WLS: variants seen among roughly 807,000 people sequenced by gnomAD.
The protein encoded by WLS is Wnt ligand secretion mediator.
Under a neutral mutation model 62.8 loss-of-function variants are expected in WLS, and 23 were observed. The ratio of observed to expected loss-of-function variants is 0.37; its 90% CI spans 0.26 to 0.52. WLS has a LOEUF of 0.52. Among genes scored for constraint, WLS ranks in the 20% least tolerant of loss-of-function variants. The probability of loss-of-function intolerance (pLI) is 0.92; values close to 1 mark genes in which losing one functional copy is unlikely to be tolerated. For missense variants in WLS, 615 were observed against 697.3 expected (o/e 0.88, Z 1.33); for synonymous variants, 246 against 244.1 (o/e 1.01, Z -0.07).
rs777856823 is a variant in WLS at position 68,098,484 on chromosome 1, G to A, written c.*148C>T. ...TAAGAGAAGTAAGACAATACTCAAA[G>A]AATATTTATTGTTGACGCTTTTTTC... On this transcript the variant is annotated 3_prime_UTR_variant, in exon 12 of 12. Coordinates refer to the WLS transcript ENST00000354777. The A allele has an allele frequency of 2.6e-4, 328 of 1,275,288 alleles. 1 individual carries two copies. The highest frequency in any genetic ancestry group is 3.3e-4 in the Non-Finnish European group (314 of 945,838). The allele number at this position is 1,275,288 out of a possible 1,614,324, so 79.0% of individuals were successfully genotyped here.
chr1:68,103,591 T>C (rs1557441179), intron 11 of WLS, among the ~76,000 whole-genome samples: 1 of 152,196 alleles, frequency 6.6e-6, no homozygotes. Flanking sequence ...TACTCCATTT[T>C]ATTTTAAAAT....
chr1:68,106,744 G>GTGTGTA (rs1553122666), intron 11 of WLS, among the ~76,000 whole-genome samples: 3 of 149,596 alleles, frequency 2.0e-5, no homozygotes, highest in Admixed American at 6.6e-5. Flanking sequence ...GTGTGTGTGT[G>GTGTGTA]TGTGTGTATG....
intron 1 of WLS, among the ~76,000 whole-genome samples, chr1:68,217,619 C>T (rs767740884): frequency 3.3e-5 from 5 of 152,180 alleles, no homozygotes; most frequent in Admixed American, 6.5e-5. Flanking sequence ...TGTGAACACA[C>T]GCACACAAAA....
intron 11 of WLS, among the ~76,000 whole-genome samples, chr1:68,112,376 A>G (rs1421598730): frequency 6.6e-6 from 1 of 152,222 alleles, no homozygotes; most frequent in African/African-American, 2.4e-5. Context: ...ACCCAAAAGC[A>G]AAATGTGTGG....
chr1:68,143,310 G>C (rs1217186650), intron 10 of WLS, among the ~76,000 whole-genome samples: 1 of 152,160 alleles, frequency 6.6e-6, no homozygotes, highest in Non-Finnish European at 1.5e-5. Context: ...TGGCAAAAGA[G>C]TCAGAAGGAC....
chr1:68,133,709 A>G (rs1016660932), intron 11 of WLS, among the ~76,000 whole-genome samples: 3 of 152,210 alleles, frequency 2.0e-5, no homozygotes, highest in African/African-American at 4.8e-5. Flanking sequence ...TTCTCTGTCC[A>G]TTCTATGACC....
At chr1:68,163,434 T>C (rs1647014491) in intron 2 of WLS, among the ~76,000 whole-genome samples, 1 of 151,520 alleles carries the variant, frequency 6.6e-6, no homozygotes, top group Non-Finnish European at 1.5e-5. Context: ...GCTGCAGCTG[T>C]GCAGCCTCCC....
At chr1:68,223,781 T>C (rs1351797208) in intron 1 of WLS, among the ~76,000 whole-genome samples, 1 of 152,172 alleles carries the variant, frequency 6.6e-6, no homozygotes, top group Non-Finnish European at 1.5e-5. Flanking sequence ...TTTGGGATCA[T>C]TGAGGCCACA....
intron 2 of WLS, chr1:68,162,714 GATATTGCACACAGC>G: frequency 8.4e-7 from 1 of 1,194,548 alleles, no homozygotes; most frequent in Non-Finnish European, 1.2e-6. Flanking sequence ...CTGCAGACGG[GATATTGCACACAGC>G]AATTCCGAGC....
rs182327281 is a variant in WLS, at chr1:68,168,865, G to A, written c.380-9618C>T. ...TGACCTGGCTTGAATTTTTCTTGAC[G>A]CTTTCAATTAAGGAAATAACAAAAC... On this transcript the variant is annotated intron_variant, in intron 2 of 11. Transcript: ENST00000262348. 1.6e-4 allele frequency among the ~76,000 whole-genome samples: 25 copies of A among 152,214 alleles called. 1 individual carries two copies. In the Middle Eastern group the frequency reaches 0.017, roughly 104 times the overall value.
intron 8 of WLS, among the ~76,000 whole-genome samples, chr1:68,147,285 C>T (rs1303632991): frequency 1.3e-5 from 2 of 152,106 alleles, no homozygotes; most frequent in African/African-American, 4.8e-5. Flanking sequence ...TGTTGTGCAG[C>T]TAACATTTGG....
intron 1 of WLS, among the ~76,000 whole-genome samples, chr1:68,227,393 G>A (rs1324500101): frequency 7.7e-5 from 9 of 116,992 alleles, no homozygotes; most frequent in African/African-American, 2.9e-4. Context: ...CTGACAGAAC[G>A]AGACTCCGTC....
chr1:68,125,049 T>C (rs184117691), downstream of WLS, among the ~76,000 whole-genome samples: 11 of 152,316 alleles, frequency 7.2e-5, no homozygotes, highest in East Asian at 1.9e-3. Flanking sequence ...TTCTCTCGGC[T>C]ATCTCCAGTG....
chr1:68,126,656 T>TTTAAAGAA (rs1646435319), intron 11 of WLS, among the ~76,000 whole-genome samples: 1 of 152,226 alleles, frequency 6.6e-6, no homozygotes, highest in Non-Finnish European at 1.5e-5. Flanking sequence ...CTAATCACTT[T>TTTAAAGAA]GTAAGTGATC....
Position 68,148,605 on chromosome 1 carries a change from G to C in WLS, c.1028C>G (p.Ala343Gly). Reference protein sequence around the residue: ...AGYWKQVGPIAVGSFCLFIFD... With the variant: ...AGYWKQVGPIGVGSFCLFIFD... ...TATGAAGAGGCAGAAGGAGCCAACG[G>C]CAATGGGTCCGACTTGCTTCCAATA... Residue 343 changes from alanine to glycine, a missense_variant, in exon 7 of 12, where the codon GCC (alanine) becomes GGC (glycine). Coordinates refer to ENST00000262348, the MANE Select transcript of WLS (RefSeq NM_024911.7). 1 of 1,614,094 alleles carries C rather than the reference G, an allele frequency of 6.2e-7. No homozygotes were observed. Among genetic ancestry groups the C allele is most frequent in the Non-Finnish European group, 8.5e-7 (1 of 1,180,002 alleles).
chr1:68,186,368 A>T (rs1647937693), intron 2 of WLS, among the ~76,000 whole-genome samples: 1 of 152,102 alleles, frequency 6.6e-6, no homozygotes, highest in Admixed American at 6.5e-5. Flanking sequence ...CTACTCAAAG[A>T]CTCTTCAAAA....
At chr1:68,131,663 G>A (rs186150757) in intron 11 of WLS, among the ~76,000 whole-genome samples, 4 of 152,152 alleles carry the variant, frequency 2.6e-5, no homozygotes, top group Admixed American at 6.5e-5. Flanking sequence ...TAAAATCTTG[G>A]TGTTACAGGC....
chr1:68,118,593 C>T (rs899325664), intron 11 of WLS, among the ~76,000 whole-genome samples: 1 of 152,078 alleles, frequency 6.6e-6, no homozygotes, highest in Admixed American at 6.6e-5. Flanking sequence ...GCACCTGGCC[C>T]GGCTGGTTGT....
At chr1:68,186,292 G>A (rs1647933603) in intron 2 of WLS, among the ~76,000 whole-genome samples, 1 of 151,952 alleles carries the variant, frequency 6.6e-6, no homozygotes, top group Non-Finnish European at 1.5e-5. Context: ...AAATTTAAAG[G>A]GAATAAACAT....
Sources: gnomAD v4.1 joint callset for allele counts (sites outside exome capture counted in the v4.1 genomes callset) on GRCh38, gnomAD v4.1.1 for gene constraint, MANE v1.5 for transcripts, NCBI Gene and HGNC (gene_info 2026-07-23, HGNC 2026-07-21) for gene names.